TRA2B: variants seen among roughly 807,000 people sequenced by gnomAD.
TRA2B encodes the protein transformer-2 protein homolog beta.
In TRA2B, 14 loss-of-function variants were observed where a neutral mutation model predicts 41.7. The observed-to-expected ratio is 0.34, with a 90% CI of 0.22 to 0.53. TRA2B has a LOEUF of 0.53. TRA2B is among the 20% of genes least tolerant of loss of function. The pLI is 0.95. For synonymous variants in TRA2B, 130 were observed against 128.8 expected (o/e 1.01, Z -0.06); for missense variants, 167 against 396.8 (o/e 0.42, Z 4.92).
intron 6 of TRA2B, among the ~76,000 whole-genome samples, chr3:185,920,437 T>TC (rs1422934932): frequency 6.6e-6 from 1 of 152,216 alleles, no homozygotes; most frequent in Non-Finnish European, 1.5e-5. Context: ...AGCTTCAACC[T>TC]CCCCGGCTTC....
At chr3:185,922,288 T>C (rs563942541) in intron 4 of TRA2B, 162 bp from the exon 5 acceptor site, 13 of 440,906 alleles carry the variant, frequency 2.9e-5, no homozygotes, top group African/African-American at 2.2e-4. Flanking sequence ...TTGTTCCCTC[T>C]ACTAAATGTT....
chr3:185,936,970 T>C (rs988523251), intron 1 of TRA2B: 11 of 985,232 alleles, frequency 1.1e-5, no homozygotes, highest in Non-Finnish European at 1.3e-5. Flanking sequence ...TGGTTCTAAG[T>C]ATTAGAACGC....
intron 1 of TRA2B, among the ~76,000 whole-genome samples, chr3:185,932,263 T>C (rs1372805489): frequency 6.6e-6 from 1 of 152,214 alleles, no homozygotes; most frequent in African/African-American, 2.4e-5. Flanking sequence ...ACAATTCATT[T>C]GTACAATGAC....
intron 1 of TRA2B, chr3:185,934,597 T>C (rs1744277081): frequency 1.0e-6 from 1 of 985,278 alleles, no homozygotes; most frequent in South Asian, 4.7e-5. Flanking sequence ...TTTCCTCCTA[T>C]TTGACAATTC....
chr3:185,915,347 A>G lies in TRA2B; in HGVS notation c.*2368T>C, dbSNP rs1272166965. On this transcript the variant is annotated 3_prime_UTR_variant, in exon 9 of 9. Coordinates refer to ENST00000453386, the MANE Select transcript of TRA2B (RefSeq NM_004593.3). ...CAGCTATAAGAAATGGATTGTTTGT[A>G]TTGGCATATAAAAGCCTCCAAGTCC... 1.3e-5 allele frequency among the ~76,000 whole-genome samples: 2 copies of G among 152,226 alleles called. No homozygotes were observed. The highest frequency in any genetic ancestry group is 1.3e-4 in the Admixed American group (2 of 15,282).
intron 1 of TRA2B, among the ~76,000 whole-genome samples, chr3:185,930,764 A>G (rs558134942): frequency 1.6e-3 from 238 of 152,350 alleles, no homozygotes; most frequent in African/African-American, 5.7e-3. Context: ...TAACCAGAAT[A>G]AAGCTACTTT....
intron 1 of TRA2B, among the ~76,000 whole-genome samples, chr3:185,933,971 A>C (rs1314001381): frequency 1.3e-5 from 2 of 152,146 alleles, no homozygotes; most frequent in South Asian, 4.1e-4. Flanking sequence ...TGATAACATC[A>C]ATCTCAATGT....
rs571029906 is a variant in TRA2B at position 185,937,987 on chromosome 3, T to C, written c.-127A>G. 8.2e-5 allele frequency: 92 copies of C among 1,115,872 alleles called. No individual in the cohort carries two copies. The highest frequency in any genetic ancestry group is 1.0e-4 in the Non-Finnish European group (77 of 764,162). The allele number at this position is 1,115,872 out of a possible 1,614,324, so 69.1% of individuals were successfully genotyped here. A position where few individuals can be genotyped will look rare whatever the true frequency, so the allele number is the denominator to read the frequency against. ...GTCGCCCAGCCGCTCAGAGCCGAAA[T>C]GCTCCGCACCGCCTCCGCACGGGCT... On this transcript the variant is annotated 5_prime_UTR_variant, in exon 1 of 9. Coordinates refer to ENST00000453386, the MANE Select transcript of TRA2B (RefSeq NM_004593.3).
At chr3:185,920,421 C>T (rs1014624715) in intron 6 of TRA2B, among the ~76,000 whole-genome samples, 1 of 152,210 alleles carries the variant, frequency 6.6e-6, no homozygotes, top group Non-Finnish European at 1.5e-5. Flanking sequence ...GTACTTGGCT[C>T]ACTGCAGCTT....
intron 1 of TRA2B, 142 bp from the exon 2 acceptor site, chr3:185,926,876 C>A (rs1443252153): frequency 4.2e-6 from 4 of 942,554 alleles, no homozygotes; most frequent in African/African-American, 1.7e-5. Context: ...ACTGAATATA[C>A]CTGGTGTTAA....
chr3:185,922,275 G>T, intron 4 of TRA2B, 149 bp from the exon 5 acceptor site: 1 of 478,366 alleles, frequency 2.1e-6, no homozygotes, highest in Non-Finnish European at 3.7e-6. Context: ...ACTTACAAAT[G>T]TGTTGTTCCC....
At chr3:185,921,913 A>G (rs768873622) in intron 5 of TRA2B, 98 bp downstream of exon 5, 30 of 776,950 alleles carry the variant, frequency 3.9e-5, no homozygotes, top group Non-Finnish European at 6.1e-5. Context: ...AGTCAAGTTT[A>G]TGGCACAAAC....
At position 185,919,519 on chromosome 3, in the gene TRA2B, C is replaced by T; in HGVS notation, c.723-23G>A. 3 of 1,597,158 alleles carry T rather than the reference C, an allele frequency of 1.9e-6. No individual in the cohort carries two copies. The South Asian group carries it at 3.4e-5, about 18-fold the overall frequency. On this transcript the variant is annotated intron_variant, in intron 6 of 8. Coordinates refer to ENST00000453386, the MANE Select transcript of TRA2B (RefSeq NM_004593.3). Reference sequence around the variant, plus strand: ...CCTCTGTGAAGACAGAAAGGCAACACAACACGCATTCAGTTTGTAAGTTTT... The same window carrying T: ...CCTCTGTGAAGACAGAAAGGCAACATAACACGCATTCAGTTTGTAAGTTTT...
intron 7 of TRA2B, 60 bp from the exon 8 acceptor site, chr3:185,918,498 A>C: frequency 1.6e-6 from 2 of 1,247,200 alleles, no homozygotes; most frequent in South Asian, 2.5e-5. Context: ...CCAAACATAT[A>C]AATTTATGAC....
chr3:185,925,434 G>T lies in TRA2B; in HGVS notation c.333+30C>A. ...TAAGAAAAAGTAAATTTAGGCAGTT[G>T]ACTGCTTCAAAACCAGTTTTTCATC... On this transcript the variant is annotated intron_variant, in intron 3 of 8. Coordinates refer to ENST00000453386, the MANE Select transcript of TRA2B (RefSeq NM_004593.3). 1.9e-6 allele frequency: 3 copies of T among 1,605,680 alleles called. No homozygotes were observed. In the South Asian group the frequency reaches 3.3e-5, roughly 18 times the overall value.
chr3:185,928,411 T>TTA (rs1014057803), intron 1 of TRA2B: 6 of 152,070 alleles, frequency 3.9e-5, no homozygotes, highest in African/African-American at 1.2e-4. Context: ...TGTAAAAAGA[T>TTA]TAAAAGAAAA....
chr3:185,918,530 A>C, intron 7 of TRA2B, 92 bp from the exon 8 acceptor site: 1 of 772,184 alleles, frequency 1.3e-6, no homozygotes, highest in East Asian at 2.7e-5. Flanking sequence ...CCCTTTCATC[A>C]GTTCCCCAAA....
intron 1 of TRA2B, among the ~76,000 whole-genome samples, chr3:185,933,082 A>G (rs1337910269): frequency 6.6e-6 from 1 of 152,184 alleles, no homozygotes; most frequent in Non-Finnish European, 1.5e-5. Flanking sequence ...ACTAAAATGC[A>G]ATGGGAAATG....
chr3:185,929,312 A>C (rs1744064720), intron 1 of TRA2B, among the ~76,000 whole-genome samples: 1 of 152,190 alleles, frequency 6.6e-6, no homozygotes, highest in African/African-American at 2.4e-5. Flanking sequence ...TCAAAAGCAT[A>C]ATTAACTTTA....
Sources: allele counts gnomAD v4.1 joint callset (sites outside exome capture counted in the v4.1 genomes callset), GRCh38; gene constraint gnomAD v4.1.1; transcripts MANE v1.5; gene names NCBI Gene and HGNC (gene_info 2026-07-23, HGNC 2026-07-21).